FAM8A1: variants seen among roughly 807,000 people sequenced by gnomAD.
The protein encoded by FAM8A1 is family with sequence similarity 8 member A1.
A neutral mutation model predicts 38.3 loss-of-function variants in FAM8A1; 18 were observed. The ratio of observed to expected loss-of-function variants is 0.47; its 90% CI spans 0.33 to 0.70. The LOEUF (loss-of-function observed/expected upper bound fraction) is 0.70, where lower values mean the gene tolerates loss of function less well. Ranked by LOEUF, FAM8A1 falls within the 30% of genes least tolerant of loss-of-function variation. FAM8A1 has a pLI of 0.03. For synonymous variants in FAM8A1, 246 were observed against 234.4 expected (o/e 1.05, Z -0.45); for missense variants, 559 against 559.6 (o/e 1.00, Z 0.01).
At position 17,604,934 on chromosome 6, in the gene FAM8A1, A is replaced by G; in HGVS notation, c.862A>G (p.Ile288Val). The G allele has an allele frequency of 6.2e-7, 1 of 1,602,856 alleles. No homozygotes were observed. Among genetic ancestry groups the G allele is most frequent in the Non-Finnish European group, 8.5e-7 (1 of 1,172,298 alleles). Residue 288 changes from isoleucine (I) to valine (V), a missense_variant, in exon 3 of 5, where the codon ATA becomes GTA. Physicochemically the swap from Ile to Val is conservative, Grantham distance 29. Around this residue, in one of 2 missense-constraint regions of FAM8A1, gnomAD observed 166 missense variants for 220.8 expected, o/e 0.75. Transcript: ENST00000259963. The part of the protein sequence containing the change: ...KDISKFAMHY[I>V]IEEIDEDTSM... The stretch of plus-strand genomic sequence containing the variant: ...TATCTCTAAGTTTGCTATGCATTAT[A>G]TAATAGAAGAAATAGATGAAGACAC...
chr6:17,606,794 A>G (rs530413824), intron 4 of FAM8A1, among the ~76,000 whole-genome samples: 12 of 152,292 alleles, frequency 7.9e-5, no homozygotes, highest in African/African-American at 2.4e-4. Context: ...GGGGGAAGGT[A>G]CAACCAGTGA....
At chr6:17,602,787 A>G (rs1028929309) in intron 2 of FAM8A1, 77 bp downstream of exon 2, 4 of 1,421,170 alleles carry the variant, frequency 2.8e-6, no homozygotes, top group East Asian at 4.7e-5. Context: ...CTGTTTGTCT[A>G]CACGTGACTA....
At chr6:17,601,607 C>A (rs190079433) in intron 1 of FAM8A1, among the ~76,000 whole-genome samples, 1 of 152,322 alleles carries the variant, frequency 6.6e-6, no homozygotes, top group East Asian at 1.9e-4. Flanking sequence ...AGCTTCACTT[C>A]ATTTGATCAA....
Position 17,606,020 on chromosome 6 carries a change from C to T in FAM8A1, c.1097+7C>T. 1.4e-6 allele frequency: 2 copies of T among 1,479,302 alleles called. No homozygotes were observed. Among genetic ancestry groups the T allele is most frequent in the Non-Finnish European group, 1.8e-6 (2 of 1,100,498 alleles). The allele number at this position is 1,479,302 out of a possible 1,614,324, so 91.6% of individuals were successfully genotyped here. On this transcript the variant is annotated splice_region_variant and intron_variant, in intron 4 of 4. Coordinates refer to ENST00000259963, the MANE Select transcript of FAM8A1 (RefSeq NM_016255.3). ...CAAATGTTAGCATTACAACGTAAGT[C>T]CTTTTCTTAGCTTAATCTACTACAT...
In FAM8A1 at chr6:17,600,655, C is replaced by T; in HGVS notation, c.246C>T (p.Gly82=). 1 of 1,566,226 alleles carries T rather than the reference C, an allele frequency of 6.4e-7. No homozygotes were observed. The highest frequency in any genetic ancestry group is 8.6e-7 in the Non-Finnish European group (1 of 1,161,330). The stretch of plus-strand genomic sequence containing the variant: ...GGAAGCGCGGGGAGGCGGCCTCCGG[C>T]TCCGGTGCAGAGCTGCAGGAGCAGG... ...ELRKRGEAAS[G]SGAELQEQAG... The change falls in exon 1 of 5, where the codon GGC becomes GGT. Residue 82 remains glycine (G), a synonymous_variant. Transcript: ENST00000259963.
At chr6:17,603,678 AG>A (rs1313202140) in intron 2 of FAM8A1, among the ~76,000 whole-genome samples, 1 of 152,030 alleles carries the variant, frequency 6.6e-6, no homozygotes. Flanking sequence ...CCTGTGCCCA[AG>A]TGACACTCCC....
chr6:17,607,299 C>G (rs7450484), intron 4 of FAM8A1, among the ~76,000 whole-genome samples: 1 of 151,088 alleles, frequency 6.6e-6, no homozygotes, highest in Non-Finnish European at 1.5e-5. Flanking sequence ...AGTTATAAAC[C>G]TACCTACTTC....
At chr6:17,602,566 C>T (rs1763999271) in intron 1 of FAM8A1, 24 bp from the exon 2 acceptor site, 9 of 1,374,780 alleles carry the variant, frequency 6.5e-6, no homozygotes, top group African/African-American at 3.0e-5. Context: ...TTTTTCCTAA[C>T]TTTTTTTTTT....
chr6:17,608,199 A>G lies in FAM8A1; in HGVS notation c.1102A>G (p.Thr368Ala). The change falls in exon 5 of 5, where the codon ACT becomes GCT. Residue 368 changes from threonine (T) to alanine (A), a missense_variant. Physicochemically the swap from Thr to Ala is moderately conservative, Grantham distance 58. This residue lies in a region of FAM8A1 where 166 missense variants were observed against 220.8 expected (regional missense o/e 0.75). Coordinates refer to ENST00000259963, the MANE Select transcript of FAM8A1 (RefSeq NM_016255.3). ...ATTTTTGTTTTAACTTTTTAGGTCC[A>G]CTATCCGAGCTTTGATCAAGAATTT... ...PSSNVSITTS[T>A]IRALIKNFSI... The G allele has an allele frequency of 6.2e-7, 1 of 1,606,902 alleles. No individual in the cohort carries two copies. The highest frequency in any genetic ancestry group is 8.5e-7 in the Non-Finnish European group (1 of 1,176,920).
intron 1 of FAM8A1, among the ~76,000 whole-genome samples, chr6:17,601,528 G>A (rs2113744269): frequency 6.6e-6 from 1 of 152,278 alleles, no homozygotes; most frequent in Middle Eastern, 3.4e-3. Context: ...TTAGGACAGT[G>A]GAACTGAACG....
Position 17,611,192 on chromosome 6 carries a change from C to T in FAM8A1, c.*2853C>T, listed in dbSNP as rs1386587939. The T allele has an allele frequency of 6.6e-6, 1 of 152,114 alleles. No homozygotes were observed. Among genetic ancestry groups the T allele is most frequent in the Admixed American group, 6.5e-5 (1 of 15,268 alleles). The allele number at this position is 152,114 out of a possible 1,614,324, so 9.4% of individuals were successfully genotyped here. ...CATTATATTTGAGAGCTACTTCGCCCAAATTACAAAATGAGTGTTTTTAGA... is the reference window on the plus strand; with the variant it reads ...CATTATATTTGAGAGCTACTTCGCCTAAATTACAAAATGAGTGTTTTTAGA... On this transcript the variant is annotated 3_prime_UTR_variant, in exon 5 of 5. Coordinates refer to ENST00000259963, the MANE Select transcript of FAM8A1 (RefSeq NM_016255.3).
chr6:17,604,963 A>G lies in FAM8A1; in HGVS notation c.891A>G (p.Ser297=). ...YIIEEIDEDT[S]MEDLQKMMVV... Reference sequence around the variant, plus strand: ...TAGAAGAAATAGATGAAGACACATCAATGGAAGACTTGCAGAAAATGATGG... The same window carrying G: ...TAGAAGAAATAGATGAAGACACATCGATGGAAGACTTGCAGAAAATGATGG... The change falls in exon 3 of 5, where the codon TCA becomes TCG. Residue 297 remains serine (S), a synonymous_variant. Transcript: ENST00000259963. 6.2e-7 allele frequency: 1 copy of G among 1,609,476 alleles called. No individual in the cohort carries two copies. The highest frequency in any genetic ancestry group is 8.5e-7 in the Non-Finnish European group (1 of 1,176,590).
rs1581638356 is a variant in FAM8A1 at position 17,600,465 on chromosome 6, G to A, written c.56G>A (p.Gly19Glu). The A allele has an allele frequency of 1.3e-6, 2 of 1,500,876 alleles. No individual in the cohort carries two copies. The highest frequency in any genetic ancestry group is 1.8e-6 in the Non-Finnish European group (2 of 1,127,774). The allele number at this position is 1,500,876 out of a possible 1,614,324, so 93.0% of individuals were successfully genotyped here. A position where few individuals can be genotyped will look rare whatever the true frequency, so the allele number is the denominator to read the frequency against. Residue 19 changes from glycine to glutamate, a missense_variant, in exon 1 of 5, where the codon GGA (glycine) becomes GAA (glutamate). This residue lies in a region of FAM8A1 where 393 missense variants were observed against 338.9 expected (regional missense o/e 1.16). Coordinates refer to ENST00000259963, the MANE Select transcript of FAM8A1 (RefSeq NM_016255.3). ...CACCCTCCCGGGCAGGACGATGGCG[G>A]AGGGGACCACGAGCCCGTCCCTTCC... ...RGHPPGQDDG[G>E]GDHEPVPSLR... is the part of the protein sequence containing the mutation.
chr6:17,602,260 C>T (rs1446633960), intron 1 of FAM8A1, among the ~76,000 whole-genome samples: 1 of 152,234 alleles, frequency 6.6e-6, no homozygotes, highest in Non-Finnish European at 1.5e-5. Flanking sequence ...TGGTCTCGAA[C>T]TCCTGGCCTC....
In FAM8A1 at chr6:17,600,673, G is replaced by A. The variant is rs1056992726; in HGVS notation, c.264G>A (p.Gln88=). The A allele has an allele frequency of 6.3e-6, 10 of 1,586,126 alleles. No homozygotes were observed. In the Middle Eastern group the frequency reaches 1.0e-3, roughly 162 times the overall value. Residue 88 remains glutamine (Q), a synonymous_variant, in exon 1 of 5, where the codon CAG becomes CAA. Coordinates refer to ENST00000259963, the MANE Select transcript of FAM8A1 (RefSeq NM_016255.3). ...EAASGSGAEL[Q]EQAGCEAPEA... ...CCTCCGGCTCCGGTGCAGAGCTGCA[G>A]GAGCAGGCGGGCTGCGAGGCGCCCG...
intron 2 of FAM8A1, 40 bp downstream of exon 2, chr6:17,602,750 T>C (rs773918540): frequency 1.9e-6 from 3 of 1,580,030 alleles, no homozygotes; most frequent in East Asian, 2.3e-5. Context: ...TAATTTCTAC[T>C]GTTTAATGAT....
intron 4 of FAM8A1, 67 bp downstream of exon 4, chr6:17,606,080 G>T (rs1764049968): frequency 1.0e-5 from 13 of 1,259,822 alleles, no homozygotes; most frequent in East Asian, 2.7e-5. Context: ...GAATATTGGG[G>T]TTTTTTTCTT....
chr6:17,604,830 G>T, intron 2 of FAM8A1, 76 bp from the exon 3 acceptor site: 1 of 1,126,548 alleles, frequency 8.9e-7, no homozygotes, highest in South Asian at 1.5e-5. Flanking sequence ...TGTATGACTT[G>T]CACTAATGAA....
chr6:17,606,493 C>A (rs943346276), intron 4 of FAM8A1, among the ~76,000 whole-genome samples: 3 of 152,144 alleles, frequency 2.0e-5, no homozygotes, highest in Admixed American at 6.5e-5. Flanking sequence ...AGCCACCATG[C>A]CCTGCCTCAA....
Sources: allele counts gnomAD v4.1 joint callset (sites outside exome capture counted in the v4.1 genomes callset), GRCh38; gene constraint gnomAD v4.1.1; regional missense constraint gnomAD v4.1.1; transcripts MANE v1.5; gene names NCBI Gene and HGNC (gene_info 2026-07-23, HGNC 2026-07-21).